DIP2A: variants seen among roughly 807,000 people sequenced by gnomAD.
DIP2A encodes DIP2 acetate--CoA ligase A.
Under a neutral mutation model 177.4 loss-of-function variants are expected in DIP2A, and 85 were observed. The ratio of observed to expected loss-of-function variants is 0.48; its 90% CI spans 0.40 to 0.57. The LOEUF (loss-of-function observed/expected upper bound fraction) is 0.57, where lower values mean the gene tolerates loss of function less well. Ranked by LOEUF, DIP2A falls within the 20% of genes least tolerant of loss-of-function variation. DIP2A has a pLI of 0.00. For missense variants in DIP2A, 1,791 were observed against 2,100.2 expected (o/e 0.85, Z 2.88); for synonymous variants, 886 against 881.8 (o/e 1.00, Z -0.08).
chr21:46,517,938 C>G (rs1190565588), intron 8 of DIP2A, among the ~76,000 whole-genome samples: 1 of 152,260 alleles, frequency 6.6e-6, no homozygotes, highest in East Asian at 1.9e-4. Context: ...TGCTGAGCAG[C>G]AACTTGCTGC....
Position 46,490,657 on chromosome 21 carries a change from C to T in DIP2A, c.221C>T (p.Ala74Val). The T allele has an allele frequency of 6.3e-7, 1 of 1,589,804 alleles. No homozygotes were observed. Among genetic ancestry groups the T allele is most frequent in the Non-Finnish European group, 8.6e-7 (1 of 1,168,052 alleles). Reference sequence around the variant, plus strand: ...ATTCCTGGGCCCTCACAAACCACGGCCGCTGCACCCAAGCAGCAGAAGTCT... The same window carrying T: ...ATTCCTGGGCCCTCACAAACCACGGTCGCTGCACCCAAGCAGCAGAAGTCT... ...NRIPGPSQTTAAAPKQQKSRP... is the reference protein window; with the variant it reads ...NRIPGPSQTTVAAPKQQKSRP... Residue 74 changes from alanine to valine, a missense_variant, in exon 3 of 38, where the codon GCC becomes GTC. Transcript: ENST00000417564.
At chr21:46,533,903 C>T (rs149303699) in intron 11 of DIP2A, 101 bp from the exon 12 acceptor site, 14 of 1,075,804 alleles carry the variant, frequency 1.3e-5, no homozygotes, top group East Asian at 7.8e-5. Context: ...ACTCCTTATT[C>T]GCTCAGTAGC....
rs570033245 is a variant in DIP2A, at chr21:46,568,813, G to A, written c.*1191G>A. Reference sequence around the variant, plus strand: ...CTAAGGTTTTCATATCCATAGTGCTGTTTGGTGAGTACCGGCAGTACAGTT... The same window carrying A: ...CTAAGGTTTTCATATCCATAGTGCTATTTGGTGAGTACCGGCAGTACAGTT... On this transcript the variant is annotated 3_prime_UTR_variant, in exon 38 of 38. Transcript: ENST00000417564. The A allele has an allele frequency of 1.3e-5, 2 of 152,200 alleles. No individual in the cohort carries two copies. The highest frequency in any genetic ancestry group is 2.9e-5 in the Non-Finnish European group (2 of 68,048). The allele number at this position is 152,200 out of a possible 1,614,324, so 9.4% of individuals were successfully genotyped here. A position where few individuals can be genotyped will look rare whatever the true frequency, so the allele number is the denominator to read the frequency against.
chr21:46,533,093 T>C (rs1237332139), intron 10 of DIP2A, among the ~76,000 whole-genome samples: 1 of 152,234 alleles, frequency 6.6e-6, no homozygotes, highest in Non-Finnish European at 1.5e-5. Context: ...CACAGAAGAC[T>C]TGGCTACAAG....
intron 33 of DIP2A, chr21:46,561,144 A>T (rs1256352380): frequency 3.3e-6 from 2 of 613,990 alleles, no homozygotes; most frequent in Admixed American, 9.5e-5. Context: ...ACAGGGACAG[A>T]GAGAAGACAA....
At chr21:46,564,774 G>A (rs1227489812) in intron 35 of DIP2A, among the ~76,000 whole-genome samples, 9 of 152,222 alleles carry the variant, frequency 5.9e-5, no homozygotes, top group East Asian at 1.9e-4. Context: ...GGGTGTGAGC[G>A]TGCGGGCCCT....
chr21:46,544,601 G>A (rs1190237660), intron 18 of DIP2A, among the ~76,000 whole-genome samples: 2 of 152,224 alleles, frequency 1.3e-5, no homozygotes, highest in East Asian at 3.8e-4. Context: ...AACTTAAAAT[G>A]AACAGGTATT....
In DIP2A at chr21:46,557,167, G is replaced by A. The variant is rs2060497623; in HGVS notation, c.3629+98G>A. 1 of 1,388,360 alleles carries A rather than the reference G, an allele frequency of 7.2e-7. No homozygotes were observed. The highest frequency in any genetic ancestry group is 9.6e-7 in the Non-Finnish European group (1 of 1,037,972). The allele number at this position is 1,388,360 out of a possible 1,614,324, so 86.0% of individuals were successfully genotyped here. On this transcript the variant is annotated intron_variant, in intron 30 of 37. Coordinates refer to ENST00000417564, the MANE Select transcript of DIP2A (RefSeq NM_015151.4). The surrounding 1 kb of genome is among the most constrained non-coding windows in gnomAD (Gnocchi z 6.0). ...GGCACCTTTTCTGGGTGCTCAGGAA[G>A]CCGATGAGATGTGTGTGAGTGGGTT...
intron 32 of DIP2A, chr21:46,559,040 C>G (rs979174597): frequency 7.1e-6 from 1 of 140,004 alleles, no homozygotes; most frequent in South Asian, 2.2e-4. Flanking sequence ...GAGGTTGCAG[C>G]GAGCCAAGAT....
At chr21:46,492,045 T>G (rs1422695304) in intron 3 of DIP2A, among the ~76,000 whole-genome samples, 3 of 152,224 alleles carry the variant, frequency 2.0e-5, no homozygotes, top group Non-Finnish European at 4.4e-5. Flanking sequence ...TAAGATATCT[T>G]TGCCTAACCC....
intron 36 of DIP2A, 40 bp downstream of exon 36, chr21:46,565,927 G>T (rs999081571): frequency 6.2e-7 from 1 of 1,607,238 alleles, no homozygotes; most frequent in African/African-American, 1.3e-5. Context: ...GTGCTGTGCG[G>T]GGAGGACCTG....
At chr21:46,573,281 G>T (rs115720114), downstream of DIP2A, among the ~76,000 whole-genome samples, 627 of 151,898 alleles carry the variant, frequency 4.1e-3, 10 homozygotes, top group African/African-American at 0.015. Context: ...GGCAGAATGG[G>T]GAAAAAACAG....
At position 46,563,759 on chromosome 21, in the gene DIP2A, G is replaced by A; in HGVS notation, c.4090-99G>A. 6.6e-7 allele frequency: 1 copy of A among 1,522,108 alleles called. No homozygotes were observed. The highest frequency in any genetic ancestry group is 1.7e-4 in the Middle Eastern group (1 of 5,808). 94.3% of individuals were successfully genotyped at this position (1,522,108 alleles called of 1,614,324 possible). On this transcript the variant is annotated intron_variant, in intron 34 of 37. Transcript: ENST00000417564. This position sits in a 1 kb window ranked among gnomAD's most constrained non-coding sequence, Gnocchi z 4.3. ...GACCTGACATGAGCACATCAGTCCT[G>A]CAGGCCAGCTTCTGAGGGACGTTAT...
In DIP2A at chr21:46,567,415, G is replaced by A; in HGVS notation, c.4509G>A (p.Leu1503=). ...ACCTGCTGGTGGTGGTGGTGGAGCTGGATGGGCTAGAGCAGGATGCCCTGG... is the reference window on the plus strand; with the variant it reads ...ACCTGCTGGTGGTGGTGGTGGAGCTAGATGGGCTAGAGCAGGATGCCCTGG... ...WTNLLVVVVE[L]DGLEQDALDL... Residue 1503 remains leucine (L), a synonymous_variant, in exon 38 of 38, where the codon CTG becomes CTA. Transcript: ENST00000417564. 6.2e-7 allele frequency: 1 copy of A among 1,613,972 alleles called. No individual in the cohort carries two copies.
At chr21:46,545,107 G>C (rs369134421) in intron 18 of DIP2A, 30 bp from the exon 19 acceptor site, 28 of 1,565,490 alleles carry the variant, frequency 1.8e-5, no homozygotes, top group African/African-American at 5.4e-5. Flanking sequence ...ACACGTTCTT[G>C]ATAATTTTGA....
intron 1 of DIP2A, among the ~76,000 whole-genome samples, chr21:46,482,281 C>T (rs769483100): frequency 2.0e-5 from 3 of 152,122 alleles, no homozygotes; most frequent in Non-Finnish European, 4.4e-5. Flanking sequence ...GTAGATGTTT[C>T]GGGCAACGAT....
chr21:46,554,892 C>T lies in DIP2A; in HGVS notation c.3347C>T (p.Ala1116Val), dbSNP rs1238588968. ...TRLLRSKEAA[A>V]AVDIRTWPTI... ...CTGCTCAGGTCCAAGGAGGCTGCTGCTGCCGTGGACATCAGGACCTGGCCC... is the reference window on the plus strand; with the variant it reads ...CTGCTCAGGTCCAAGGAGGCTGCTGTTGCCGTGGACATCAGGACCTGGCCC... The change falls in exon 28 of 38, where the codon GCT (alanine) becomes GTT (valine). Residue 1116 changes from alanine to valine, a missense_variant. Physicochemically the swap from Ala to Val is moderately conservative, Grantham distance 64. Transcript: ENST00000417564. 10 of 1,552,334 alleles carry T rather than the reference C, an allele frequency of 6.4e-6. No individual in the cohort carries two copies. In the East Asian group the frequency reaches 2.2e-4, roughly 34 times the overall value.
At position 46,464,844 on chromosome 21, in the gene DIP2A, T is replaced by TTTTTTTTTTTTTTTCC. The variant is rs58546395; in HGVS notation, c.91+5622_91+5623insTTTTTTTTTTTTTTCC. On this transcript the variant is annotated intron_variant, in intron 1 of 37. Transcript: ENST00000417564. ...TTTTTTTTTTTTTTTTTTTTTTTTT[T>TTTTTTTTTTTTTTTCC]CAAGAAAACACACAACAAATGTCAG... Among the ~76,000 whole-genome samples the TTTTTTTTTTTTTTTCC allele has an allele frequency of 5.8e-4, 64 of 111,216 alleles. 8 individuals are homozygous for TTTTTTTTTTTTTTTCC. Among genetic ancestry groups the TTTTTTTTTTTTTTTCC allele is most frequent in the African/African-American group, 2.3e-3 (55 of 23,986 alleles). The allele number at this position is 111,216 out of a possible 152,430, so 73.0% of individuals were successfully genotyped here.
intron 8 of DIP2A, among the ~76,000 whole-genome samples, chr21:46,513,106 G>T (rs1217863123): frequency 2.0e-5 from 3 of 150,020 alleles, no homozygotes; most frequent in Non-Finnish European, 3.0e-5. Flanking sequence ...CTTACATGTT[G>T]TTTTTTTTTC....
Sources: gnomAD v4.1 joint callset for allele counts (sites outside exome capture counted in the v4.1 genomes callset) on GRCh38, gnomAD v4.1.1 for gene constraint, Gnocchi (gnomAD v3.1) non-coding constraint, MANE v1.5 for transcripts, NCBI Gene and HGNC (gene_info 2026-07-23, HGNC 2026-07-21) for gene names.